Variants in KAZN observed in about 807,000 individuals in gnomAD.
The protein encoded by KAZN is kazrin.
In KAZN, 40 loss-of-function variants were observed where a neutral mutation model predicts 87.4. That is an observed-to-expected ratio of 0.46 (90% CI 0.36 to 0.60). The LOEUF (loss-of-function observed/expected upper bound fraction) is 0.60. Among genes scored for constraint, KAZN ranks in the 20% least tolerant of loss-of-function variants. KAZN has a pLI of 0.00. For synonymous variants in KAZN, 466 were observed against 458.3 expected (o/e 1.02, Z -0.22); for missense variants, 898 against 1,073.9 (o/e 0.84, Z 2.29).
intron 2 of KAZN, among the ~76,000 whole-genome samples, chr1:14,231,476 G>T (rs887514667): frequency 6.6e-6 from 1 of 152,122 alleles, no homozygotes; most frequent in Non-Finnish European, 1.5e-5. Context: ...GCCAGCATAG[G>T]TAATATATAA....
At chr1:14,372,550 G>C (rs758985029) in intron 2 of KAZN, among the ~76,000 whole-genome samples, 14 of 152,170 alleles carry the variant, frequency 9.2e-5, no homozygotes, top group Admixed American at 1.3e-4. Flanking sequence ...AATTGAAAAT[G>C]TCCCCGTGCA....
At chr1:14,883,952 T>A (rs1236248127) in intron 1 of KAZN, among the ~76,000 whole-genome samples, 1 of 152,124 alleles carries the variant, frequency 6.6e-6, no homozygotes, top group Non-Finnish European at 1.5e-5. Context: ...AAGAATAGGG[T>A]ACAGGAATGG....
chr1:14,621,093 C>G (rs538512304), intron 1 of KAZN, among the ~76,000 whole-genome samples: 34 of 152,252 alleles, frequency 2.2e-4, no homozygotes, highest in East Asian at 1.2e-3. Flanking sequence ...AGGGGAGCTG[C>G]CAAGTGAAAA....
Position 14,874,872 on chromosome 1 carries a change from A to T in KAZN, c.227-85812A>T, listed in dbSNP as rs141735999. Reference sequence around the variant, plus strand: ...GAGAGGAAAAAAAACTAACTCTGGGATCCTAGACTTACTTGGTTTTGTATT... The same window carrying T: ...GAGAGGAAAAAAAACTAACTCTGGGTTCCTAGACTTACTTGGTTTTGTATT... On this transcript the variant is annotated intron_variant, in intron 1 of 14. Transcript: ENST00000376030. Among the ~76,000 whole-genome samples the T allele has an allele frequency of 3.1e-4, 47 of 152,276 alleles. No homozygotes were observed. The East Asian group carries it at 6.0e-3, about 19-fold the overall frequency.
intron 1 of KAZN, among the ~76,000 whole-genome samples, chr1:14,889,388 GTAAAA>G (rs1415450087): frequency 1.3e-5 from 2 of 152,182 alleles, no homozygotes; most frequent in Non-Finnish European, 2.9e-5. Context: ...GTATAAAGCA[GTAAAA>G]TGGATGCACT....
At chr1:14,625,481 G>C (rs1033222807) in intron 1 of KAZN, among the ~76,000 whole-genome samples, 7 of 152,140 alleles carry the variant, frequency 4.6e-5, no homozygotes, top group Non-Finnish European at 1.0e-4. Flanking sequence ...GAATCACTTA[G>C]AGAAGTCAAA....
At position 14,244,673 on chromosome 1, in the gene KAZN, G is replaced by A. The variant is rs1425356619; in HGVS notation, c.249+64081G>A. Among the ~76,000 whole-genome samples, 5 of 152,096 alleles carry A rather than the reference G, an allele frequency of 3.3e-5. No homozygotes were observed. The East Asian group carries it at 9.7e-4, about 29-fold the overall frequency. On this transcript the variant is annotated intron_variant, in intron 2 of 16. Coordinates refer to the KAZN transcript ENST00000636203. The stretch of plus-strand genomic sequence containing the variant: ...GGAAGGTGGTTTTGGGGATCTTGGG[G>A]GAGGAAGAACATTCCAGGCAGAGAG...
chr1:14,464,252 T>A (rs1043612927), intron 2 of KAZN, among the ~76,000 whole-genome samples: 1 of 152,238 alleles, frequency 6.6e-6, no homozygotes, highest in African/African-American at 2.4e-5. Context: ...AGACTGCAGA[T>A]GTGAGTTACT....
intron 2 of KAZN, among the ~76,000 whole-genome samples, chr1:14,981,051 C>T (rs2101895022): frequency 6.6e-6 from 1 of 152,244 alleles, no homozygotes; most frequent in East Asian, 1.9e-4. Flanking sequence ...CAGGGCTCCC[C>T]AGAGGGACAG....
chr1:13,936,096 G>GTTTTTTTTTTTTTTTTTTTT lies in KAZN; in HGVS notation c.91+42355_91+42356insTTTTTTTTTTTTTTTTTTTT, dbSNP rs70984301. Among the ~76,000 whole-genome samples the GTTTTTTTTTTTTTTTTTTTT allele has an allele frequency of 2.1e-4, 18 of 84,842 alleles. 4 individuals carry two copies. Among genetic ancestry groups the GTTTTTTTTTTTTTTTTTTTT allele is most frequent in the Non-Finnish European group, 3.3e-4 (15 of 45,728 alleles). The allele number at this position is 84,842 out of a possible 152,430, so 55.7% of individuals were successfully genotyped here. Reference sequence around the variant, plus strand: ...TATAGATTTAGGTGGTACAAGTGCAGTTTTTTTTTTTTTTTGAGACAGAGT... The same window carrying GTTTTTTTTTTTTTTTTTTTT: ...TATAGATTTAGGTGGTACAAGTGCAGTTTTTTTTTTTTTTTTTTTTTTTTTTTTTTTTTTTGAGACAGAGT... On this transcript the variant is annotated intron_variant, in intron 1 of 16. Transcript: ENST00000636203.
At chr1:14,100,310 C>T (rs1489933213) in intron 1 of KAZN, among the ~76,000 whole-genome samples, 1 of 152,198 alleles carries the variant, frequency 6.6e-6, no homozygotes, top group Admixed American at 6.5e-5. Context: ...TTGAAATCCG[C>T]AGCTCGACCT....
chr1:14,697,158 G>GA (rs111950673), intron 1 of KAZN, among the ~76,000 whole-genome samples: 29 of 134,280 alleles, frequency 2.2e-4, no homozygotes, highest in African/African-American at 7.3e-4. Context: ...AAAAAAAAAA[G>GA]AAAAGAAAAG....
intron 1 of KAZN, among the ~76,000 whole-genome samples, chr1:14,112,929 G>A (rs1368480095): frequency 2.0e-5 from 3 of 152,206 alleles, no homozygotes; most frequent in Non-Finnish European, 2.9e-5. Context: ...TCAAAGTGCT[G>A]TGCGGAAGAA....
intron 1 of KAZN, among the ~76,000 whole-genome samples, chr1:13,978,937 C>A (rs1386124171): frequency 6.6e-6 from 1 of 151,678 alleles, no homozygotes; most frequent in African/African-American, 2.4e-5. Context: ...CCTGTATCTA[C>A]AAAAACAAAA....
At chr1:13,960,983 A>G (rs1459367645) in intron 1 of KAZN, among the ~76,000 whole-genome samples, 1 of 152,168 alleles carries the variant, frequency 6.6e-6, no homozygotes, top group Non-Finnish European at 1.5e-5. Flanking sequence ...TTGATCAAAT[A>G]TTTATTGAGC....
chr1:14,038,028 CATCT>C (rs1463608519), intron 1 of KAZN, among the ~76,000 whole-genome samples: 1 of 152,170 alleles, frequency 6.6e-6, no homozygotes, highest in Non-Finnish European at 1.5e-5. Flanking sequence ...TCCATCCATC[CATCT>C]GTCCACCCAT....
At chr1:14,519,345 A>G (rs1318607098) in intron 2 of KAZN, among the ~76,000 whole-genome samples, 1 of 152,204 alleles carries the variant, frequency 6.6e-6, no homozygotes, top group Non-Finnish European at 1.5e-5. Context: ...CTTTGGGCAG[A>G]ATCCAGAAAC....
chr1:13,981,966 G>C lies in KAZN; in HGVS notation c.91+88210G>C, dbSNP rs775900764. ...TGACCTGGTCAGGGAAAGCCACTTG[G>C]CCGAAGTCACACACAGAGATGGGGG... On this transcript the variant is annotated intron_variant, in intron 1 of 16. Coordinates refer to the KAZN transcript ENST00000636203. Among the ~76,000 whole-genome samples, 63 of 152,212 alleles carry C rather than the reference G, an allele frequency of 4.1e-4. 3 individuals are homozygous for C. The highest frequency in any genetic ancestry group is 1.2e-4 in the Non-Finnish European group (8 of 68,034).
intron 1 of KAZN, among the ~76,000 whole-genome samples, chr1:14,147,334 G>A (rs1645374960): frequency 1.3e-5 from 2 of 151,644 alleles, no homozygotes; most frequent in South Asian, 4.1e-4. Context: ...TGCAGGCCAT[G>A]GACCCTACTT....
Sources: gnomAD v4.1 joint callset for allele counts (sites outside exome capture counted in the v4.1 genomes callset) on GRCh38, gnomAD v4.1.1 for gene constraint, MANE v1.5 for transcripts, NCBI Gene and HGNC (gene_info 2026-07-23, HGNC 2026-07-21) for gene names.